The following OGDH variants were observed in gnomAD, a reference collection of about 807,000 sequenced individuals.
The protein encoded by OGDH is 2-oxoglutarate dehydrogenase complex component E1.
In OGDH, 38 loss-of-function variants were observed where a neutral mutation model predicts 116.6. That is an observed-to-expected ratio of 0.33 (90% CI 0.25 to 0.43). The LOEUF (loss-of-function observed/expected upper bound fraction) is 0.43. Among genes scored for constraint, OGDH ranks in the 20% least tolerant of loss-of-function variants. OGDH has a pLI of 1.00. For synonymous variants in OGDH, 488 were observed against 533.3 expected, an observed-to-expected ratio of 0.92 and a Z score of 1.17; for missense variants, 825 against 1,357.2, an observed-to-expected ratio of 0.61 and a Z score of 6.16.
In OGDH at chr7:44,697,991, G is replaced by A. The variant is rs1788659812; in HGVS notation, c.2359-201G>A. Among the ~76,000 whole-genome samples the A allele has an allele frequency of 6.6e-6, 1 of 152,206 alleles. No individual in the cohort carries two copies. Among genetic ancestry groups the A allele is most frequent in the African/African-American group, 2.4e-5 (1 of 41,456 alleles). On this transcript the variant is annotated intron_variant, in intron 17 of 22. Transcript: ENST00000222673. This position sits in a 1 kb window ranked among gnomAD's most constrained non-coding sequence, Gnocchi z 6.0. Reference sequence around the variant, plus strand: ...GCTAGCATGCCCCGTCCCTGCTGGTGCAGACTCCCTAGATGCACAGGCGTC... The same window carrying A: ...GCTAGCATGCCCCGTCCCTGCTGGTACAGACTCCCTAGATGCACAGGCGTC...
rs1355186251 is a variant in OGDH, at chr7:44,707,866, C to T, written c.2952-13C>T. Reference sequence around the variant, plus strand: ...GTCCCCTGCCCTCACTGCCCCCTCCCTCCATCTCTCAGGTATGCCGGCCGG... The same window carrying T: ...GTCCCCTGCCCTCACTGCCCCCTCCTTCCATCTCTCAGGTATGCCGGCCGG... On this transcript the variant is annotated splice_polypyrimidine_tract_variant and intron_variant, in intron 22 of 22. Transcript: ENST00000222673. The surrounding 1 kb of genome is among the most constrained non-coding windows in gnomAD (Gnocchi z 5.2). 1.2e-6 allele frequency: 2 copies of T among 1,611,636 alleles called. No individual in the cohort carries two copies. Among genetic ancestry groups the T allele is most frequent in the Non-Finnish European group, 1.7e-6 (2 of 1,178,940 alleles).
chr7:44,665,592 G>A (rs1483280606), intron 4 of OGDH, among the ~76,000 whole-genome samples: 3 of 152,160 alleles, frequency 2.0e-5, no homozygotes, highest in African/African-American at 7.2e-5. Context: ...AACTACCACC[G>A]TTAATCCCGT....
In OGDH at chr7:44,626,810, G is replaced by A. The variant is rs373328728; in HGVS notation, c.222+2245G>A. 5.3e-5 allele frequency among the ~76,000 whole-genome samples: 8 copies of A among 152,204 alleles called. No homozygotes were observed. The East Asian group carries it at 1.4e-3, about 26-fold the overall frequency. ...AGTGTGGGAATCACATGCATGCTCT[G>A]CCCCTCCCTGCTTGTAGAGGGGAGG... On this transcript the variant is annotated intron_variant, in intron 2 of 22. Coordinates refer to ENST00000222673, the MANE Select transcript of OGDH (RefSeq NM_002541.4).
intron 4 of OGDH, among the ~76,000 whole-genome samples, chr7:44,652,874 A>G (rs1248208001): frequency 6.6e-6 from 1 of 152,020 alleles, no homozygotes; most frequent in Admixed American, 6.5e-5. Flanking sequence ...GAGGGCTCCT[A>G]GGGAGTCTTT....
chr7:44,622,546 A>T lies in OGDH; in HGVS notation c.-27-1771A>T, dbSNP rs1785044889. ...GGAGCAGGCCAGAGGTGAATGCAGGACACTCTAAGCCCTCTCTCTTGGTGT... is the reference window on the plus strand; with the variant it reads ...GGAGCAGGCCAGAGGTGAATGCAGGTCACTCTAAGCCCTCTCTCTTGGTGT... On this transcript the variant is annotated intron_variant, in intron 1 of 22. Transcript: ENST00000222673. Among the ~76,000 whole-genome samples the T allele has an allele frequency of 2.6e-5, 4 of 152,178 alleles. No homozygotes were observed. The South Asian group carries it at 8.4e-4, about 32-fold the overall frequency.
At chr7:44,701,165 G>T (rs550251951) in intron 19 of OGDH, among the ~76,000 whole-genome samples, 1 of 152,226 alleles carries the variant, frequency 6.6e-6, no homozygotes, top group African/African-American at 2.4e-5. Flanking sequence ...GGGCAGGACA[G>T]CCCTGGTGCT....
intron 2 of OGDH, among the ~76,000 whole-genome samples, chr7:44,641,205 T>A (rs1453927349): frequency 7.1e-6 from 1 of 141,634 alleles, no homozygotes; most frequent in Non-Finnish European, 1.5e-5. Context: ...CCAGCCTTTT[T>A]CTTCTTTTTT....
intron 14 of OGDH, 89 bp downstream of exon 14, chr7:44,696,646 T>A: frequency 6.6e-7 from 1 of 1,511,314 alleles, no homozygotes; most frequent in Admixed American, 1.8e-5. Flanking sequence ...CCCCCACCCA[T>A]CATGTGTCCT....
chr7:44,644,841 G>A (rs1786097774), intron 2 of OGDH, among the ~76,000 whole-genome samples: 1 of 152,224 alleles, frequency 6.6e-6, no homozygotes. Flanking sequence ...GGGCCTTGAG[G>A]GAGGTGTTTG....
At chr7:44,703,848 G>A (rs561115533) in intron 20 of OGDH, among the ~76,000 whole-genome samples, 1 of 151,786 alleles carries the variant, frequency 6.6e-6, no homozygotes, top group South Asian at 2.1e-4. Flanking sequence ...TCACGCCGTT[G>A]CACTCCAGCC....
At chr7:44,636,465 G>T (rs748932377) in intron 2 of OGDH, among the ~76,000 whole-genome samples, 1 of 152,246 alleles carries the variant, frequency 6.6e-6, no homozygotes, top group Non-Finnish European at 1.5e-5. Context: ...TAAGGTCAGC[G>T]CCTCTGCTGC....
chr7:44,698,209 C>T lies in OGDH; in HGVS notation c.2376C>T (p.Ser792=), dbSNP rs549562836. Residue 792 remains serine, a synonymous_variant, in exon 18 of 23, where the codon TCC becomes TCT. Transcript: ENST00000222673. ...GMEGMGPEHS[S]ARPERFLQMC... ...GGTTCCAGGGTCCAGAACATTCCTC[C>T]GCCCGCCCAGAGCGGTTCTTGCAGA... is the stretch of plus-strand genomic sequence containing the variant. 4.3e-5 allele frequency: 69 copies of T among 1,614,182 alleles called. No homozygotes were observed. The highest frequency in any genetic ancestry group is 1.6e-4 in the East Asian group (7 of 44,894).
intron 10 of OGDH, among the ~76,000 whole-genome samples, chr7:44,689,700 T>C (rs1475519776): frequency 6.6e-6 from 1 of 152,176 alleles, no homozygotes; most frequent in African/African-American, 2.4e-5. Flanking sequence ...TGGCTATTTG[T>C]ATATCTTTGG....
intron 7 of OGDH, 122 bp from the exon 8 acceptor site, chr7:44,675,056 C>A: frequency 1.3e-6 from 1 of 748,818 alleles, no homozygotes; most frequent in Non-Finnish European, 2.3e-6. Flanking sequence ...TATCCTTGGG[C>A]TGCAAACCGA....
chr7:44,652,591 G>A (rs1786499398), intron 4 of OGDH, among the ~76,000 whole-genome samples: 2 of 152,132 alleles, frequency 1.3e-5, no homozygotes, highest in South Asian at 4.2e-4. Flanking sequence ...AATAGAGACA[G>A]GGTCTTATTA....
At position 44,707,634 on chromosome 7, in the gene OGDH, A is replaced by G. The variant is rs769947062; in HGVS notation, c.2849A>G (p.Asn950Ser). The G allele has an allele frequency of 7.6e-5, 122 of 1,614,032 alleles. No individual in the cohort carries two copies. The highest frequency in any genetic ancestry group is 1.3e-4 in the Admixed American group (8 of 60,004). Reference protein sequence around the residue: ...LLLKEVQKYPNAELAWCQEEH... With the variant: ...LLLKEVQKYPSAELAWCQEEH... ...CTGAAGGAGGTGCAGAAGTACCCCA[A>G]TGCTGAGCTGGCCTGGTGCCAGGAG... Residue 950 changes from asparagine to serine, a missense_variant, in exon 22 of 23, where the codon AAT (asparagine) becomes AGT (serine). By Grantham distance (46) the Asn-to-Ser change is conservative. Coordinates refer to ENST00000222673, the MANE Select transcript of OGDH (RefSeq NM_002541.4). This position sits in a 1 kb window ranked among gnomAD's most constrained non-coding sequence, Gnocchi z 5.2.
chr7:44,662,643 A>G (rs1786998616), intron 4 of OGDH, among the ~76,000 whole-genome samples: 1 of 151,856 alleles, frequency 6.6e-6, no homozygotes, highest in African/African-American at 2.4e-5. Flanking sequence ...TTGTATTTTT[A>G]GTAGAGATGG....
chr7:44,614,180 C>G (rs1784677571), intron 1 of OGDH, among the ~76,000 whole-genome samples: 1 of 149,900 alleles, frequency 6.7e-6, no homozygotes, highest in East Asian at 1.9e-4. Flanking sequence ...TCTCAAACCC[C>G]TAGGCAAGCT....
chr7:44,645,446 A>G lies in OGDH; in HGVS notation c.342A>G (p.Val114=). The G allele has an allele frequency of 6.2e-7, 1 of 1,614,210 alleles. No individual in the cohort carries two copies. The highest frequency in any genetic ancestry group is 8.5e-7 in the Non-Finnish European group (1 of 1,180,036). Residue 114 remains valine (V), a synonymous_variant, in exon 3 of 23, where the codon GTA becomes GTG. Coordinates refer to ENST00000222673, the MANE Select transcript of OGDH (RefSeq NM_002541.4). The part of the protein sequence containing the change: ...LAAVAHAQSL[V]EAQPNVDKLV... ...CTGTGGCCCATGCACAGTCCCTGGT[A>G]GAAGCACAGCCCAACGTGGACAAGC...
Sources: allele counts gnomAD v4.1 joint callset (sites outside exome capture counted in the v4.1 genomes callset), GRCh38; gene constraint gnomAD v4.1.1; non-coding constraint Gnocchi (gnomAD v3.1); transcripts MANE v1.5; gene names NCBI Gene and HGNC (gene_info 2026-07-23, HGNC 2026-07-21).